The following GSE1 variants were observed in gnomAD, a reference collection of about 807,000 sequenced individuals.
GSE1 encodes genetic suppressor element 1.
In GSE1, 32 loss-of-function variants were observed where a neutral mutation model predicts 112.6. The ratio of observed to expected loss-of-function variants is 0.28; its 90% CI spans 0.21 to 0.38. The LOEUF (loss-of-function observed/expected upper bound fraction) is 0.38. GSE1 is among the 10% of genes least tolerant of loss of function. The pLI is 1.00. For missense variants in GSE1, 2,348 were observed against 1,699.2 expected, an observed-to-expected ratio of 1.38 and a Z score of -6.71; for synonymous variants, 1,115 against 735.6, an observed-to-expected ratio of 1.52 and a Z score of -8.35.
At chr16:85,521,895 C>T (rs1037655695) in intron 2 of GSE1, among the ~76,000 whole-genome samples, 8 of 152,220 alleles carry the variant, frequency 5.3e-5, no homozygotes, top group Admixed American at 3.3e-4. Flanking sequence ...AATGAGGTCC[C>T]GGCAGTGCCA....
upstream of GSE1, chr16:85,555,018 GC>G: frequency 1.0e-6 from 1 of 985,388 alleles, no homozygotes; most frequent in Non-Finnish European, 1.2e-6. Context: ...CTCGGCGGCC[GC>G]GCGGGGGGAA....
chr16:85,202,442 C>T (rs11642146), intron 1 of GSE1, among the ~76,000 whole-genome samples: 5 of 152,190 alleles, frequency 3.3e-5, no homozygotes, highest in Non-Finnish European at 5.9e-5. Flanking sequence ...GCCCACAGGA[C>T]ATTTTTTTGT....
At chr16:85,340,502 G>T (rs1212585530) in intron 1 of GSE1, among the ~76,000 whole-genome samples, 1 of 152,152 alleles carries the variant, frequency 6.6e-6, no homozygotes, top group Non-Finnish European at 1.5e-5. Context: ...TTAGCTGGGT[G>T]TGGTAGTGCA....
intron 2 of GSE1, among the ~76,000 whole-genome samples, chr16:85,462,706 AGGGAGGC>A (rs368990086): frequency 0.62 from 54,982 of 88,992 alleles, 13,347 homozygotes; most frequent in East Asian, 0.68. Context: ...GCGGCGCGGG[AGGGAGGC>A]GGGAGGCGGG....
At chr16:85,605,714 T>C (rs1567639379) in intron 1 of GSE1, among the ~76,000 whole-genome samples, 1 of 151,944 alleles carries the variant, frequency 6.6e-6, no homozygotes, top group Non-Finnish European at 1.5e-5. Flanking sequence ...GTTTGCTGTC[T>C]GGGTGGTCAT....
At chr16:85,336,624 T>C (rs2326525) in intron 1 of GSE1, among the ~76,000 whole-genome samples, 108,788 of 150,650 alleles carry the variant, frequency 0.72, 39,626 homozygotes, top group East Asian at 0.95. Context: ...TTTTTCGAGT[T>C]GAAGTCTCAC....
Position 85,311,563 on chromosome 16 carries a change from C to T in GSE1, c.2284-45900C>T, listed in dbSNP as rs540600397. Among the ~76,000 whole-genome samples the T allele has an allele frequency of 7.2e-5, 11 of 152,236 alleles. No individual in the cohort carries two copies. In the South Asian group the frequency reaches 1.2e-3, roughly 17 times the overall value. ...CTCACCTTCCCCGAGGCTTTGTTTC[C>T]GGATTCTTCTCTTCCCTCCTTGGGG... On this transcript the variant is annotated intron_variant, in intron 1 of 2. Coordinates refer to the GSE1 transcript ENST00000637419. The surrounding 1 kb of genome is among the most constrained non-coding windows in gnomAD (Gnocchi z 4.2).
intron 1 of GSE1, among the ~76,000 whole-genome samples, chr16:85,236,017 G>GGGCTGC (rs1190899731): frequency 6.6e-6 from 1 of 150,850 alleles, no homozygotes; most frequent in Non-Finnish European, 1.5e-5. Flanking sequence ...GCTGGGCCTG[G>GGGCTGC]GGCTGCGGCT....
chr16:85,610,750 T>C (rs1291489362), upstream of GSE1, among the ~76,000 whole-genome samples: 4 of 151,674 alleles, frequency 2.6e-5, 1 homozygote, highest in Non-Finnish European at 5.9e-5. Flanking sequence ...GGAAGGGGAG[T>C]GACTTCCAGG....
intron 1 of GSE1, among the ~76,000 whole-genome samples, chr16:85,585,407 G>C (rs564532058): frequency 7.9e-5 from 12 of 152,374 alleles, no homozygotes; most frequent in African/African-American, 2.9e-4. Flanking sequence ...GGGTGCCCAG[G>C]CATGACCCCT....
intron 1 of GSE1, among the ~76,000 whole-genome samples, chr16:85,568,308 C>G (rs543674865): frequency 6.6e-6 from 1 of 152,206 alleles, no homozygotes; most frequent in Admixed American, 6.5e-5. Context: ...TGGTAGGCCT[C>G]CGGGGTGGGC....
chr16:85,445,045 C>A (rs989735687), intron 2 of GSE1, among the ~76,000 whole-genome samples: 1 of 152,194 alleles, frequency 6.6e-6, no homozygotes, highest in Admixed American at 6.5e-5. Flanking sequence ...GGCAGGGGAG[C>A]GGGGGCTGTC....
At chr16:85,474,033 G>T (rs2050376662) in intron 2 of GSE1, among the ~76,000 whole-genome samples, 1 of 152,158 alleles carries the variant, frequency 6.6e-6, no homozygotes, top group South Asian at 2.1e-4. Context: ...GTGACATAGG[G>T]AGGCTCCCAG....
chr16:85,617,605 C>CA (rs1248777024), intron 1 of GSE1, among the ~76,000 whole-genome samples: 1 of 105,112 alleles, frequency 9.5e-6, no homozygotes, highest in Non-Finnish European at 2.4e-5. Context: ...CTCCCCCCCC[C>CA]CCCCCCGTTA....
At chr16:85,496,583 G>A (rs2151904632) in intron 2 of GSE1, among the ~76,000 whole-genome samples, 1 of 152,356 alleles carries the variant, frequency 6.6e-6, no homozygotes, top group African/African-American at 2.4e-5. Context: ...GGCAGCTTTT[G>A]CAGGCTGAGG....
At chr16:85,671,516 C>G (rs2053339582) in intron 15 of GSE1, among the ~76,000 whole-genome samples, 1 of 151,008 alleles carries the variant, frequency 6.6e-6, no homozygotes, top group African/African-American at 2.4e-5. Flanking sequence ...CTTTGGGAGG[C>G]TGAGGCAGGA....
chr16:85,481,979 C>T (rs529375383), intron 2 of GSE1, among the ~76,000 whole-genome samples: 3 of 152,248 alleles, frequency 2.0e-5, no homozygotes, highest in East Asian at 1.9e-4. Context: ...GCAGGGTGGC[C>T]GATGCCCTCG....
At chr16:85,564,494 G>C (rs1024097186) in intron 1 of GSE1, among the ~76,000 whole-genome samples, 4 of 152,152 alleles carry the variant, frequency 2.6e-5, no homozygotes, top group Non-Finnish European at 5.9e-5. Context: ...AGTTTGGTTT[G>C]AGATGGGGGT....
intron 14 of GSE1, among the ~76,000 whole-genome samples, chr16:85,669,920 C>G (rs1368452585): frequency 6.6e-6 from 1 of 152,220 alleles, no homozygotes; most frequent in African/African-American, 2.4e-5. Flanking sequence ...ACCCCCTCTT[C>G]TCTCAGCTAC....
Sources: allele counts gnomAD v4.1 joint callset (sites outside exome capture counted in the v4.1 genomes callset), GRCh38; gene constraint gnomAD v4.1.1; non-coding constraint Gnocchi (gnomAD v3.1); transcripts MANE v1.5; gene names NCBI Gene and HGNC (gene_info 2026-07-23, HGNC 2026-07-21).